The following AKR1C8 variants were observed in gnomAD, a reference collection of about 807,000 sequenced individuals.
The protein encoded by AKR1C8 is aldo-keto reductase family 1 member C-like protein 1.
the AKR1C8 span, among the ~76,000 whole-genome samples, chr10:5,167,161 T>C: frequency 1.3e-5 from 2 of 152,068 alleles, no homozygotes; most frequent in African/African-American, 4.8e-5. Flanking sequence ...TGTGGAGAAA[T>C]AGGAACACTT....
chr10:5,135,226 T>C, the AKR1C8 span: 333 of 221,750 alleles, frequency 1.5e-3, 3 homozygotes, highest in African/African-American at 6.9e-3. Flanking sequence ...TTGGGATCCA[T>C]TGAATGTCAT....
At chr10:5,177,742 T>A in the AKR1C8 span, among the ~76,000 whole-genome samples, 1 of 152,232 alleles carries the variant, frequency 6.6e-6, no homozygotes, top group African/African-American at 2.4e-5. Context: ...ATCCATTTCT[T>A]CTAGATTTTC....
the AKR1C8 span, among the ~76,000 whole-genome samples, chr10:5,147,000 TCTCTTTGG>T: frequency 6.6e-6 from 1 of 152,142 alleles, no homozygotes; most frequent in Non-Finnish European, 1.5e-5. Context: ...TATAAAGAAG[TCTCTTTGG>T]CTCATGGTTC....
the AKR1C8 span, among the ~76,000 whole-genome samples, chr10:5,150,522 G>T: frequency 6.6e-6 from 1 of 152,008 alleles, no homozygotes; most frequent in African/African-American, 2.4e-5. Context: ...ATTTGACAAT[G>T]CTTCCTGTAT....
At chr10:5,135,779 G>A in the AKR1C8 span, among the ~76,000 whole-genome samples, 3 of 151,936 alleles carry the variant, frequency 2.0e-5, no homozygotes, top group Non-Finnish European at 4.4e-5. Context: ...GGAATGACTA[G>A]TAAGCATTTT....
chr10:5,146,316 G>C, the AKR1C8 span, among the ~76,000 whole-genome samples: 2 of 151,874 alleles, frequency 1.3e-5, no homozygotes, highest in African/African-American at 2.4e-5. Flanking sequence ...CCTGCACAAT[G>C]TGCACATGTA....
At chr10:5,123,702 T>C in the AKR1C8 span, 2 of 1,597,326 alleles carry the variant, frequency 1.3e-6, no homozygotes, top group Middle Eastern at 3.4e-4. Flanking sequence ...TTCCTGATGC[T>C]CTTATTACCA....
At chr10:5,170,401 T>C in the AKR1C8 span, among the ~76,000 whole-genome samples, 2 of 152,168 alleles carry the variant, frequency 1.3e-5, no homozygotes, top group South Asian at 4.1e-4. Flanking sequence ...TGCTTTATTA[T>C]ACTTGGCTTA....
the AKR1C8 span, among the ~76,000 whole-genome samples, chr10:5,125,575 G>A: frequency 6.6e-6 from 1 of 152,120 alleles, no homozygotes; most frequent in African/African-American, 2.4e-5. Flanking sequence ...GAATAACATT[G>A]CACCCAGGAA....
At chr10:5,157,766 G>T in the AKR1C8 span, 1 of 471,720 alleles carries the variant, frequency 2.1e-6, no homozygotes. Context: ...TTCAAGATCG[G>T]CTCCTCCAAG....
the AKR1C8 span, among the ~76,000 whole-genome samples, chr10:5,120,404 C>T: frequency 1.3e-5 from 2 of 152,014 alleles, no homozygotes; most frequent in Non-Finnish European, 2.9e-5. Flanking sequence ...TCAAGCTGGT[C>T]TCAGCAAAAA....
chr10:5,160,411 G>T, the AKR1C8 span, among the ~76,000 whole-genome samples: 3 of 152,030 alleles, frequency 2.0e-5, no homozygotes, highest in African/African-American at 7.3e-5. Context: ...CAATCAAATG[G>T]GTTTTTCAAG....
chr10:5,154,212 C>T, the AKR1C8 span: 1 of 469,364 alleles, frequency 2.1e-6, no homozygotes, highest in South Asian at 1.6e-5. Context: ...AATTTAGTAA[C>T]TTTTTTCCAT....
At chr10:5,179,841 T>C in the AKR1C8 span, among the ~76,000 whole-genome samples, 4 of 152,340 alleles carry the variant, frequency 2.6e-5, no homozygotes, top group South Asian at 8.3e-4. Context: ...CTTTAAGCAC[T>C]TCTCTGTATT....
the AKR1C8 span, among the ~76,000 whole-genome samples, chr10:5,176,660 G>C: frequency 5.5e-4 from 83 of 152,162 alleles, no homozygotes; most frequent in African/African-American, 2.0e-3. Flanking sequence ...TCCTTAAGCA[G>C]TGGTTTGTAG....
At chr10:5,180,028 C>G in the AKR1C8 span, among the ~76,000 whole-genome samples, 1 of 152,192 alleles carries the variant, frequency 6.6e-6, no homozygotes, top group African/African-American at 2.4e-5. Context: ...GAACTGCGTT[C>G]GTTTGGAGGA....
the AKR1C8 span, among the ~76,000 whole-genome samples, chr10:5,145,517 C>A: frequency 6.6e-6 from 1 of 152,018 alleles, no homozygotes; most frequent in South Asian, 2.1e-4. Context: ...AACAAACAAC[C>A]CCATCAAAAA....
At chr10:5,132,130 G>A in the AKR1C8 span, among the ~76,000 whole-genome samples, 1 of 152,098 alleles carries the variant, frequency 6.6e-6, no homozygotes, top group East Asian at 1.9e-4. Context: ...TAAGCTATGA[G>A]GATGTAAAGA....
At chr10:5,179,291 G>A in the AKR1C8 span, among the ~76,000 whole-genome samples, 3 of 152,058 alleles carry the variant, frequency 2.0e-5, no homozygotes, top group South Asian at 2.1e-4. Flanking sequence ...TTTCTTTAAG[G>A]ATGTTGAATA....
Sources: allele counts gnomAD v4.1 joint callset (sites outside exome capture counted in the v4.1 genomes callset), GRCh38; gene constraint gnomAD v4.1.1; transcripts MANE v1.5; gene names NCBI Gene and HGNC (gene_info 2026-07-23, HGNC 2026-07-21).